The following CNTLN variants were observed in gnomAD, a reference collection of about 807,000 sequenced individuals.
The protein encoded by CNTLN is centlein, also known as centlein, centrosomal protein.
CNTLN carries 212 observed loss-of-function variants against 180.0 expected under a neutral mutation model. That is an observed-to-expected ratio of 1.18 (90% confidence interval 1.05 to 1.32). The LOEUF is 1.32. Ranked by LOEUF, CNTLN falls within the 40% of genes most tolerant of loss-of-function variation. CNTLN has a pLI of 0.00. For missense variants in CNTLN, 2,095 were observed against 1,610.9 expected (o/e 1.30, Z -5.14); for synonymous variants, 722 against 563.1 (o/e 1.28, Z -3.99).
intron 7 of CNTLN, chr9:17,298,734 A>T (rs545206307): frequency 2.0e-6 from 2 of 989,396 alleles, no homozygotes; most frequent in South Asian, 4.7e-5. Context: ...AAATTTGTAC[A>T]TTATTTTTCG....
At chr9:17,527,988 G>A in the CNTLN span, among the ~76,000 whole-genome samples, 1 of 151,958 alleles carries the variant, frequency 6.6e-6, no homozygotes, top group Non-Finnish European at 1.5e-5. Flanking sequence ...AAAGATTAAT[G>A]AGTCCATACT....
At chr9:17,523,382 G>A in the CNTLN span, among the ~76,000 whole-genome samples, 1 of 152,044 alleles carries the variant, frequency 6.6e-6, no homozygotes, top group African/African-American at 2.4e-5. Context: ...GATTACAGGT[G>A]TCCACCACCA....
At chr9:17,286,654 CA>C (rs1828999631) in intron 6 of CNTLN, among the ~76,000 whole-genome samples, 1 of 126,996 alleles carries the variant, frequency 7.9e-6, no homozygotes, top group Non-Finnish European at 1.6e-5. Flanking sequence ...AATGTTCTTC[CA>C]TTTGTTTGTA....
intron 18 of CNTLN, among the ~76,000 whole-genome samples, chr9:17,457,266 G>C (rs1463219928): frequency 6.6e-6 from 1 of 152,064 alleles, no homozygotes; most frequent in Non-Finnish European, 1.5e-5. Context: ...TAAAGAAATA[G>C]TGCATCATGA....
intron 6 of CNTLN, among the ~76,000 whole-genome samples, chr9:17,276,803 T>C (rs539234179): frequency 3.3e-5 from 5 of 152,256 alleles, no homozygotes; most frequent in Non-Finnish European, 7.4e-5. Flanking sequence ...TCAAATACAA[T>C]GTAAATGCTA....
At chr9:17,490,992 A>G (rs1332063726) in intron 25 of CNTLN, among the ~76,000 whole-genome samples, 1 of 152,002 alleles carries the variant, frequency 6.6e-6, no homozygotes, top group Admixed American at 6.6e-5. Flanking sequence ...CTACCTTTAT[A>G]TTCTAATTGG....
At chr9:17,245,961 C>G (rs1033481239) in intron 5 of CNTLN, among the ~76,000 whole-genome samples, 150 of 152,120 alleles carry the variant, frequency 9.9e-4, no homozygotes, top group African/African-American at 3.3e-3. Context: ...ATCTTGACTG[C>G]ACTTCCTCAA....
At chr9:17,437,903 T>G (rs1829871491) in intron 18 of CNTLN, among the ~76,000 whole-genome samples, 1 of 152,122 alleles carries the variant, frequency 6.6e-6, no homozygotes, top group Non-Finnish European at 1.5e-5. Context: ...GATTAAGGCT[T>G]TTGAAGGAGT....
At chr9:17,308,825 C>G (rs561161786) in intron 7 of CNTLN, among the ~76,000 whole-genome samples, 1 of 151,452 alleles carries the variant, frequency 6.6e-6, no homozygotes, top group Non-Finnish European at 1.5e-5. Flanking sequence ...AACATATTTT[C>G]TAGTTTTTAT....
chr9:17,309,153 A>G lies in CNTLN; in HGVS notation c.1242A>G (p.Gln414=), dbSNP rs765855929. The G allele has an allele frequency of 4.3e-6, 7 of 1,611,056 alleles. No homozygotes were observed. In the East Asian group the frequency reaches 1.6e-4, roughly 36 times the overall value. The part of the protein sequence containing the change: ...SVTNLQDQLL[Q]KEQENAKLKE... ...CTAATCTTCAGGATCAGCTATTACA[A>G]AAAGAGCAAGAAAATGCTAAGTTAA... The change falls in exon 8 of 26, where the codon CAA becomes CAG. Residue 414 remains glutamine, a synonymous_variant. Coordinates refer to ENST00000380647, the MANE Select transcript of CNTLN (RefSeq NM_017738.4).
intron 12 of CNTLN, among the ~76,000 whole-genome samples, chr9:17,343,233 G>T (rs183918813): frequency 6.6e-6 from 1 of 152,300 alleles, no homozygotes; most frequent in East Asian, 1.9e-4. Context: ...AAGACTAAAA[G>T]GAGTTAGACC....
chr9:17,152,799 C>G (rs1818982324), intron 2 of CNTLN, among the ~76,000 whole-genome samples: 1 of 152,172 alleles, frequency 6.6e-6, no homozygotes, highest in Non-Finnish European at 1.5e-5. Flanking sequence ...GAGTCTAATT[C>G]TCTTTGTAGG....
chr9:17,389,446 A>G (rs546233845), intron 14 of CNTLN, among the ~76,000 whole-genome samples: 2 of 152,220 alleles, frequency 1.3e-5, no homozygotes, highest in Non-Finnish European at 2.9e-5. Context: ...TAGGGTAGAA[A>G]CCCTGAAGAA....
intron 5 of CNTLN, among the ~76,000 whole-genome samples, chr9:17,261,658 A>G (rs1209950002): frequency 6.6e-6 from 1 of 151,106 alleles, no homozygotes; most frequent in Non-Finnish European, 1.5e-5. Flanking sequence ...TATGTCATTT[A>G]TTTTTTTCTC....
chr9:17,329,966 A>G (rs1442528), intron 8 of CNTLN, among the ~76,000 whole-genome samples: 43,551 of 151,754 alleles, frequency 0.29, 6,620 homozygotes, highest in South Asian at 0.51. Context: ...TAATGGCCTC[A>G]AATACATTCA....
intron 5 of CNTLN, among the ~76,000 whole-genome samples, chr9:17,256,524 A>C (rs1826500168): frequency 6.7e-6 from 1 of 148,926 alleles, no homozygotes; most frequent in Non-Finnish European, 1.5e-5. Context: ...GATTTTGAGC[A>C]TTTCTTTCAT....
intron 2 of CNTLN, among the ~76,000 whole-genome samples, chr9:17,158,834 T>G (rs1045462330): frequency 6.6e-6 from 1 of 152,046 alleles, no homozygotes; most frequent in Non-Finnish European, 1.5e-5. Flanking sequence ...GTATTGTTCT[T>G]TCTCTTCTGT....
Position 17,240,856 on chromosome 9 carries a change from T to C in CNTLN, c.849+4268T>C, listed in dbSNP as rs1825440959. Among the ~76,000 whole-genome samples the C allele has an allele frequency of 1.3e-5, 2 of 152,268 alleles. 1 individual carries two copies. On this transcript the variant is annotated intron_variant, in intron 5 of 25. Transcript: ENST00000380647. ...CCTGTAGAGTTCCTGCAATGTTTTC[T>C]TTTCCTTTTTTTTTATTTTTGAGGT... is the stretch of plus-strand genomic sequence containing the variant.
At chr9:17,217,771 A>G (rs1197350527) in intron 2 of CNTLN, among the ~76,000 whole-genome samples, 3 of 152,236 alleles carry the variant, frequency 2.0e-5, no homozygotes, top group Non-Finnish European at 4.4e-5. Flanking sequence ...GAGTATATGC[A>G]GAAATATCTG....
Sources: gnomAD v4.1 joint callset for allele counts (sites outside exome capture counted in the v4.1 genomes callset) on GRCh38, gnomAD v4.1.1 for gene constraint, MANE v1.5 for transcripts, NCBI Gene and HGNC (gene_info 2026-07-23, HGNC 2026-07-21) for gene names.